Variants in ARHGEF37 observed in about 807,000 individuals in gnomAD.
ARHGEF37 encodes the protein Rho guanine nucleotide exchange factor 37.
ARHGEF37 carries 55 observed loss-of-function variants against 71.1 expected under a neutral mutation model. The observed-to-expected ratio is 0.77, with a 90% CI of 0.62 to 0.97. The LOEUF (loss-of-function observed/expected upper bound fraction) is 0.97, where lower values mean the gene tolerates loss of function less well. ARHGEF37 is among the 50% of genes least tolerant of loss of function. The probability of loss-of-function intolerance (pLI) is 0.00; values close to 1 mark genes in which losing one functional copy is unlikely to be tolerated. For missense variants in ARHGEF37, 765 were observed against 836.8 expected (o/e 0.91, Z 1.06); for synonymous variants, 327 against 350.6 (o/e 0.93, Z 0.75).
At chr5:149,588,741 G>A (rs1365083499) in intron 1 of ARHGEF37, among the ~76,000 whole-genome samples, 1 of 151,898 alleles carries the variant, frequency 6.6e-6, no homozygotes, top group Non-Finnish European at 1.5e-5. Flanking sequence ...GCTCCTCCTG[G>A]GAGTAAGAAA....
intron 9 of ARHGEF37, among the ~76,000 whole-genome samples, chr5:149,623,183 C>A (rs1182948980): frequency 6.6e-6 from 1 of 152,148 alleles, no homozygotes; most frequent in East Asian, 1.9e-4. Context: ...CTCCATGAAG[C>A]TCTCAGAGCT....
At chr5:149,598,418 T>G (rs575201115) in intron 2 of ARHGEF37, among the ~76,000 whole-genome samples, 1 of 149,184 alleles carries the variant, frequency 6.7e-6, no homozygotes, top group Non-Finnish European at 1.5e-5. Flanking sequence ...CTCTTCTCCT[T>G]CTTCTCCTTC....
At chr5:149,567,410 C>T (rs1762910413) in intron 1 of ARHGEF37, among the ~76,000 whole-genome samples, 1 of 152,124 alleles carries the variant, frequency 6.6e-6, no homozygotes, top group Non-Finnish European at 1.5e-5. Flanking sequence ...GTTACCATTT[C>T]CCCTTTGTTT....
chr5:149,624,026 C>T lies in ARHGEF37; in HGVS notation c.1350C>T (p.His450=), dbSNP rs142575273. The T allele has an allele frequency of 7.2e-4, 1,160 of 1,600,492 alleles. 7 individuals are homozygous for T. The African/African-American group carries it at 0.014, about 19-fold the overall frequency. Residue 450 remains histidine, a synonymous_variant, in exon 10 of 13, where the codon CAC becomes CAT. Transcript: ENST00000333677. ...EGSMAQLPHH[H]VPEPAFRKLV... ...TCCCCACTTAGCTGCCCCACCACCACGTCCCAGAGCCTGCCTTCAGGAAGC... is the reference window on the plus strand; with the variant it reads ...TCCCCACTTAGCTGCCCCACCACCATGTCCCAGAGCCTGCCTTCAGGAAGC...
intron 12 of ARHGEF37, among the ~76,000 whole-genome samples, chr5:149,630,073 T>G (rs912711187): frequency 6.6e-6 from 1 of 152,050 alleles, no homozygotes; most frequent in Non-Finnish European, 1.5e-5. Flanking sequence ...GAAGTTTCTT[T>G]TTGGGGGTGA....
chr5:149,599,674 T>G (rs1202864666), intron 2 of ARHGEF37, among the ~76,000 whole-genome samples: 1 of 152,172 alleles, frequency 6.6e-6, no homozygotes, highest in African/African-American at 2.4e-5. Flanking sequence ...AGTGCTTATT[T>G]TTTACATTTT....
intron 6 of ARHGEF37, 77 bp from the exon 7 acceptor site, chr5:149,618,861 T>C (rs762099156): frequency 5.0e-6 from 6 of 1,198,724 alleles, no homozygotes; most frequent in Non-Finnish European, 6.2e-6. Flanking sequence ...GTTGTCCCAG[T>C]GAGGACCTGG....
upstream of ARHGEF37, among the ~76,000 whole-genome samples, chr5:149,580,084 C>A (rs913874946): frequency 1.3e-5 from 2 of 151,906 alleles, no homozygotes; most frequent in Non-Finnish European, 2.9e-5. Flanking sequence ...TTTTTCGAGA[C>A]GGAGTCTCGC....
chr5:149,630,079 G>A (rs1752835741), intron 12 of ARHGEF37, among the ~76,000 whole-genome samples: 1 of 152,106 alleles, frequency 6.6e-6, no homozygotes. Context: ...TCTTTTTGGG[G>A]GTGATGAAAA....
At chr5:149,628,577 C>T (rs1455714496) in intron 11 of ARHGEF37, among the ~76,000 whole-genome samples, 1 of 152,152 alleles carries the variant, frequency 6.6e-6, no homozygotes, top group Non-Finnish European at 1.5e-5. Context: ...CATAGCTGAT[C>T]AAAGGGAGTC....
chr5:149,571,807 T>C (rs945026445), intron 1 of ARHGEF37, among the ~76,000 whole-genome samples: 8 of 147,350 alleles, frequency 5.4e-5, no homozygotes, highest in Non-Finnish European at 5.9e-5. Context: ...CTTAGGAGAC[T>C]GAGGTGGGAG....
In ARHGEF37 at chr5:149,632,590, G is replaced by A. The variant is rs934731134; in HGVS notation, c.*399G>A. 2.8e-5 allele frequency: 6 copies of A among 212,412 alleles called. No individual in the cohort carries two copies. The highest frequency in any genetic ancestry group is 1.1e-4 in the African/African-American group (5 of 45,030). 13.2% of individuals were successfully genotyped at this position (212,412 alleles called of 1,614,324 possible). A position where few individuals can be genotyped will look rare whatever the true frequency, so the allele number is the denominator to read the frequency against. ...TGCGTGCTGTGTGGTTGCAGGAAGCGGGTTCTGGAGGAGTCCAGAACTGCC... is the reference window on the plus strand; with the variant it reads ...TGCGTGCTGTGTGGTTGCAGGAAGCAGGTTCTGGAGGAGTCCAGAACTGCC... On this transcript the variant is annotated 3_prime_UTR_variant, in exon 13 of 13. Transcript: ENST00000333677.
intron 1 of ARHGEF37, among the ~76,000 whole-genome samples, chr5:149,554,120 A>T (rs2113223998): frequency 6.6e-6 from 1 of 152,264 alleles, no homozygotes; most frequent in East Asian, 1.9e-4. Context: ...GTGAGCCGAG[A>T]TTGTGCCACT....
intron 4 of ARHGEF37, among the ~76,000 whole-genome samples, chr5:149,610,675 A>C (rs1764054524): frequency 6.6e-6 from 1 of 152,184 alleles, no homozygotes. Context: ...TCTTACAAAC[A>C]GGCTTCTGCA....
chr5:149,598,790 A>G (rs967700534), intron 2 of ARHGEF37, among the ~76,000 whole-genome samples: 1 of 146,806 alleles, frequency 6.8e-6, no homozygotes. Context: ...ATATAGATAT[A>G]GATATATAGA....
rs138480167 is a variant in ARHGEF37 at position 149,619,015 on chromosome 5, C to T, written c.867C>T (p.Asn289=). 22 of 1,614,160 alleles carry T rather than the reference C, an allele frequency of 1.4e-5. 1 individual carries two copies. The highest frequency in any genetic ancestry group is 1.1e-4 in the African/African-American group (8 of 75,036). ...TGTGTGTGACTGAGCTGAAGAACAA[C>T]GTGGCTGCTTACCTGGACAATCTGC... ...VSLCVTELKN[N]VAAYLDNLQA... is the part of the protein sequence containing the mutation. Residue 289 remains asparagine (N), a synonymous_variant, in exon 7 of 13, where the codon AAC becomes AAT. Transcript: ENST00000333677.
At chr5:149,627,422 A>G in intron 11 of ARHGEF37, 151 bp downstream of exon 11, 1 of 851,012 alleles carries the variant, frequency 1.2e-6, no homozygotes, top group Non-Finnish European at 1.8e-6. Context: ...GGCTCAGGGC[A>G]CAGTCAGTTT....
intron 1 of ARHGEF37, among the ~76,000 whole-genome samples, 184 bp downstream of exon 1, chr5:149,581,808 C>T (rs1045075486): frequency 3.9e-5 from 6 of 152,118 alleles, no homozygotes; most frequent in African/African-American, 1.4e-4. Flanking sequence ...ATGTAAGCCA[C>T]CTGGTCCATA....
chr5:149,615,244 T>G lies in ARHGEF37; in HGVS notation c.459-1323T>G, dbSNP rs548072215. 1.2e-4 allele frequency among the ~76,000 whole-genome samples: 19 copies of G among 152,050 alleles called. No individual in the cohort carries two copies. The East Asian group carries it at 3.5e-3, about 28-fold the overall frequency. On this transcript the variant is annotated intron_variant, in intron 4 of 12. Transcript: ENST00000333677. ...ATCATAGCTCAGTGTATCCTCGTAC[T>G]CCTGGGCTTAAGCAATCCTCCTGCC...
Sources: gnomAD v4.1 joint callset for allele counts (sites outside exome capture counted in the v4.1 genomes callset) on GRCh38, gnomAD v4.1.1 for gene constraint, MANE v1.5 for transcripts, NCBI Gene and HGNC (gene_info 2026-07-23, HGNC 2026-07-21) for gene names.